Variants in ADCY9 observed in about 807,000 individuals in gnomAD.
ADCY9 encodes adenylate cyclase type 9.
In ADCY9, 50 loss-of-function variants were observed where a neutral mutation model predicts 101.5. That is an observed-to-expected ratio of 0.49 (90% confidence interval 0.39 to 0.62). ADCY9 has a LOEUF of 0.62. ADCY9 is among the 20% of genes least tolerant of loss of function. The pLI is 0.00. For synonymous variants in ADCY9, 905 were observed against 769.3 expected, an observed-to-expected ratio of 1.18 and a Z score of -2.92; for missense variants, 1,662 against 1,800.4, an observed-to-expected ratio of 0.92 and a Z score of 1.39.
chr16:4,108,472 C>G (rs576940168), intron 2 of ADCY9, among the ~76,000 whole-genome samples: 1 of 137,788 alleles, frequency 7.3e-6, no homozygotes, highest in Admixed American at 8.2e-5. Context: ...CTCCTGGGTT[C>G]GAACGATTCT....
intron 2 of ADCY9, among the ~76,000 whole-genome samples, chr16:4,055,339 C>T (rs2141154271): frequency 6.6e-6 from 1 of 152,108 alleles, no homozygotes; most frequent in South Asian, 2.1e-4. Flanking sequence ...TCAAGACCAA[C>T]CTGGCCAACA....
intron 2 of ADCY9, among the ~76,000 whole-genome samples, chr16:4,110,729 T>C (rs2057108625): frequency 6.6e-6 from 1 of 152,120 alleles, no homozygotes; most frequent in South Asian, 2.1e-4. Context: ...AGAGTAAAGG[T>C]AGGCTTAGGC....
chr16:4,087,850 C>CTT (rs201007285), intron 2 of ADCY9, among the ~76,000 whole-genome samples: 4 of 150,776 alleles, frequency 2.7e-5, no homozygotes, highest in African/African-American at 7.4e-5. Context: ...CCTTCTTTCT[C>CTT]TTTTCTTTGT....
intron 2 of ADCY9, among the ~76,000 whole-genome samples, chr16:4,031,810 G>C (rs1046683880): frequency 2.6e-5 from 4 of 151,970 alleles, no homozygotes; most frequent in African/African-American, 9.7e-5. Flanking sequence ...CTGGGAGGTC[G>C]AGGCAGAGGT....
intron 2 of ADCY9, among the ~76,000 whole-genome samples, chr16:4,090,032 T>C (rs1039702760): frequency 2.6e-5 from 4 of 152,046 alleles, no homozygotes; most frequent in African/African-American, 9.7e-5. Context: ...TTGGCAGGCA[T>C]CCCCGGCAGC....
At chr16:4,036,335 T>A (rs1432642715) in intron 2 of ADCY9, among the ~76,000 whole-genome samples, 1 of 152,074 alleles carries the variant, frequency 6.6e-6, no homozygotes, top group East Asian at 1.9e-4. Flanking sequence ...CACCCCCTTT[T>A]TATTTATACA....
At chr16:3,989,442 G>C (rs902664821) in intron 5 of ADCY9, among the ~76,000 whole-genome samples, 1 of 151,838 alleles carries the variant, frequency 6.6e-6, no homozygotes, top group Non-Finnish European at 1.5e-5. Context: ...ATGGCGCAGC[G>C]ATCTTGGCTC....
rs2056583412 is a variant in ADCY9 at position 4,035,531 on chromosome 16, GC to G, written c.1694-27974del. ...AAACACAAAACACACGTGCACACAT[GC>G]TTAGATTGCCTCGCAAAGCCTATAT... On this transcript the variant is annotated intron_variant, in intron 2 of 10. Coordinates refer to ENST00000294016, the MANE Select transcript of ADCY9 (RefSeq NM_001116.4). Among the ~76,000 whole-genome samples, 3 of 152,242 alleles carry G rather than the reference GC, an allele frequency of 2.0e-5. No individual in the cohort carries two copies. In the South Asian group the frequency reaches 6.2e-4, roughly 32 times the overall value.
chr16:4,014,939 C>CTTTTTTTTTT lies in ADCY9; in HGVS notation c.1694-7391_1694-7382dup, dbSNP rs578260761. 1.1e-4 allele frequency among the ~76,000 whole-genome samples: 10 copies of CTTTTTTTTTT among 93,240 alleles called. 1 individual carries two copies. Among genetic ancestry groups the CTTTTTTTTTT allele is most frequent in the Admixed American group, 4.9e-4 (3 of 6,078 alleles). 61.2% of individuals were successfully genotyped at this position (93,240 alleles called of 152,430 possible). On this transcript the variant is annotated intron_variant, in intron 2 of 10. Coordinates refer to ENST00000294016, the MANE Select transcript of ADCY9 (RefSeq NM_001116.4). ...AGTGACCACATTCCCCTGTTTTGGCCTTTTTTTTTTTTTTTTTTTTGAGAC... is the reference window on the plus strand; with the variant it reads ...AGTGACCACATTCCCCTGTTTTGGCCTTTTTTTTTTTTTTTTTTTTTTTTTTTTTTGAGAC...
downstream of ADCY9, among the ~76,000 whole-genome samples, chr16:3,961,428 A>C (rs1413188959): frequency 6.6e-6 from 1 of 151,460 alleles, no homozygotes; most frequent in Non-Finnish European, 1.5e-5. Flanking sequence ...AGCCTGGGTG[A>C]CAAAATGAGA....
Position 4,108,142 on chromosome 16 carries a change from G to A in ADCY9, c.1693+5608C>T, listed in dbSNP as rs116283723. The stretch of plus-strand genomic sequence containing the variant: ...CATTCTGTCTTCCTAATATTTACAC[G>A]GGAAAAGAAGATGCCTGTAGATATT... On this transcript the variant is annotated intron_variant, in intron 2 of 10. Coordinates refer to ENST00000294016, the MANE Select transcript of ADCY9 (RefSeq NM_001116.4). Among the ~76,000 whole-genome samples the A allele has an allele frequency of 2.3e-3, 344 of 152,184 alleles. 1 individual carries two copies. The highest frequency in any genetic ancestry group is 7.9e-3 in the African/African-American group (329 of 41,514).
rs2055951849 is a variant in ADCY9, at chr16:3,963,103, T to TAC, written c.*2671_*2672insGT. 2 of 21,646 alleles carry TAC rather than the reference T, an allele frequency of 9.2e-5. No individual in the cohort carries two copies. Among genetic ancestry groups the TAC allele is most frequent in the African/African-American group, 1.8e-4 (2 of 11,344 alleles). 1.3% of individuals were successfully genotyped at this position (21,646 alleles called of 1,614,324 possible). On this transcript the variant is annotated 3_prime_UTR_variant, in exon 11 of 11. Coordinates refer to ENST00000294016, the MANE Select transcript of ADCY9 (RefSeq NM_001116.4). ...ATTGTGTGTGCTTGTTTACCATATA[T>TAC]ATATATATATATATATATATATATA...
chr16:4,108,096 A>G (rs1197726480), intron 2 of ADCY9, among the ~76,000 whole-genome samples: 1 of 152,228 alleles, frequency 6.6e-6, no homozygotes, highest in East Asian at 1.9e-4. Context: ...ATGGGTGTGG[A>G]TGAGAGCGGA....
At chr16:4,092,815 G>C (rs777442855) in intron 2 of ADCY9, among the ~76,000 whole-genome samples, 3 of 152,174 alleles carry the variant, frequency 2.0e-5, no homozygotes, top group Non-Finnish European at 4.4e-5. Context: ...GGCTGAACGA[G>C]CTTAATTACT....
chr16:3,998,592 T>G (rs2056305483), intron 3 of ADCY9, among the ~76,000 whole-genome samples: 2 of 149,078 alleles, frequency 1.3e-5, no homozygotes, highest in Admixed American at 1.3e-4. Context: ...ACCTGTAGTT[T>G]CAGCTACTAG....
chr16:4,060,260 G>A (rs1445927953), intron 2 of ADCY9, among the ~76,000 whole-genome samples: 1 of 152,198 alleles, frequency 6.6e-6, no homozygotes, highest in East Asian at 1.9e-4. Context: ...GAATAAGGGA[G>A]CTATCACGGG....
intron 2 of ADCY9, among the ~76,000 whole-genome samples, chr16:4,055,586 C>A (rs925718286): frequency 1.3e-5 from 2 of 151,700 alleles, no homozygotes; most frequent in Non-Finnish European, 2.9e-5. Context: ...ACAATCCCAG[C>A]ACTTTGGGAG....
chr16:3,970,131 T>A (rs2056037955), intron 10 of ADCY9, among the ~76,000 whole-genome samples: 1 of 152,118 alleles, frequency 6.6e-6, no homozygotes, highest in African/African-American at 2.4e-5. Flanking sequence ...ATGGGCTTGG[T>A]CACTATATAC....
At chr16:3,977,687 T>C (rs2531990) in intron 8 of ADCY9, 57 bp from the exon 9 acceptor site, 1,091,048 of 1,564,808 alleles carry the variant, frequency 0.7, 393,834 homozygotes, top group Non-Finnish European at 0.75. Context: ...ACCCCTGCTA[T>C]ACCCGGCCGC....
Sources: gnomAD v4.1 joint callset for allele counts (sites outside exome capture counted in the v4.1 genomes callset) on GRCh38, gnomAD v4.1.1 for gene constraint, MANE v1.5 for transcripts, NCBI Gene and HGNC (gene_info 2026-07-23, HGNC 2026-07-21) for gene names.